KCNH8: variants seen among roughly 807,000 people sequenced by gnomAD.
KCNH8 encodes voltage-gated delayed rectifier potassium channel KCNH8.
KCNH8 carries 70 observed loss-of-function variants against 103.6 expected under a neutral mutation model. The observed-to-expected ratio is 0.68, with a 90% confidence interval of 0.56 to 0.82. The LOEUF (loss-of-function observed/expected upper bound fraction) is 0.82. Ranked by LOEUF, KCNH8 falls within the 40% of genes least tolerant of loss-of-function variation. KCNH8 has a pLI of 0.00. For missense variants in KCNH8, 1,217 were observed against 1,329.9 expected (o/e 0.92, Z 1.32); for synonymous variants, 498 against 489.4 (o/e 1.02, Z -0.23).
chr3:19,484,576 A>C (rs1477232866), intron 11 of KCNH8, among the ~76,000 whole-genome samples: 2 of 151,990 alleles, frequency 1.3e-5, no homozygotes, highest in Non-Finnish European at 2.9e-5. Flanking sequence ...TTTGTCTCCT[A>C]GTTTTCAGTG....
At chr3:19,168,224 C>T (rs939220840) in intron 1 of KCNH8, among the ~76,000 whole-genome samples, 6 of 151,964 alleles carry the variant, frequency 3.9e-5, no homozygotes, top group East Asian at 1.9e-4. Flanking sequence ...GACAGGGTTT[C>T]GCCATGTTGA....
intron 2 of KCNH8, among the ~76,000 whole-genome samples, chr3:19,262,607 T>G (rs924833483): frequency 2.6e-5 from 4 of 151,994 alleles, no homozygotes; most frequent in African/African-American, 4.8e-5. Flanking sequence ...ACATACAAAT[T>G]TCAGAGCAAA....
intron 1 of KCNH8, among the ~76,000 whole-genome samples, chr3:19,243,280 C>T (rs997785327): frequency 1.3e-5 from 2 of 152,136 alleles, no homozygotes; most frequent in Non-Finnish European, 2.9e-5. Flanking sequence ...TTGCCTCGAC[C>T]TCTCTTGCAG....
chr3:19,490,227 C>T (rs140234352), intron 11 of KCNH8, among the ~76,000 whole-genome samples: 8 of 151,222 alleles, frequency 5.3e-5, no homozygotes, highest in East Asian at 1.9e-4. Context: ...CAGGAAACCA[C>T]GAAATGTAGC....
intron 5 of KCNH8, among the ~76,000 whole-genome samples, chr3:19,350,353 C>T (rs1188010526): frequency 1.3e-5 from 2 of 151,976 alleles, no homozygotes; most frequent in Non-Finnish European, 2.9e-5. Context: ...TTAAACTTCC[C>T]TGTCTGACAG....
intron 5 of KCNH8, among the ~76,000 whole-genome samples, chr3:19,377,585 C>G (rs965071424): frequency 6.6e-6 from 1 of 152,206 alleles, no homozygotes. Context: ...CTCAACGGAT[C>G]ATATTAATGC....
intron 7 of KCNH8, among the ~76,000 whole-genome samples, chr3:19,434,953 C>T (rs10514672): frequency 0.034 from 5,185 of 151,930 alleles, 223 homozygotes; most frequent in East Asian, 0.21. Context: ...TACAGCATCA[C>T]GAGATAACTA....
chr3:19,434,082 C>T (rs941960893), intron 7 of KCNH8, among the ~76,000 whole-genome samples: 2 of 152,168 alleles, frequency 1.3e-5, no homozygotes, highest in Non-Finnish European at 2.9e-5. Context: ...GTGGGGTACA[C>T]AGGTGCTCTC....
At chr3:19,468,526 T>C (rs896480805) in intron 11 of KCNH8, among the ~76,000 whole-genome samples, 1 of 152,192 alleles carries the variant, frequency 6.6e-6, no homozygotes, top group African/African-American at 2.4e-5. Context: ...TCACTTCCCC[T>C]AAGTTCAGGA....
intron 1 of KCNH8, among the ~76,000 whole-genome samples, chr3:19,171,211 T>G (rs919032572): frequency 6.6e-6 from 1 of 152,208 alleles, no homozygotes; most frequent in Non-Finnish European, 1.5e-5. Flanking sequence ...TTGTATATAT[T>G]TTGTGAGCAA....
intron 3 of KCNH8, among the ~76,000 whole-genome samples, chr3:19,331,448 C>T (rs1204977754): frequency 4.6e-5 from 7 of 151,844 alleles, no homozygotes; most frequent in African/African-American, 1.5e-4. Context: ...TGTGTCACCA[C>T]GCCTGGCTAA....
At chr3:19,512,907 T>C in intron 12 of KCNH8, 63 bp from the exon 13 acceptor site, 2 of 1,433,404 alleles carry the variant, frequency 1.4e-6, no homozygotes, top group Non-Finnish European at 1.9e-6. Flanking sequence ...CCTCCAGCAT[T>C]AATGATATAC....
At chr3:19,412,828 C>T (rs150396915) in intron 7 of KCNH8, among the ~76,000 whole-genome samples, 164 of 151,990 alleles carry the variant, frequency 1.1e-3, no homozygotes, top group African/African-American at 3.3e-3. Context: ...CGTGAGATGT[C>T]ATCTCACACC....
intron 11 of KCNH8, among the ~76,000 whole-genome samples, chr3:19,477,669 GAATT>G (rs1262439805): frequency 6.6e-6 from 1 of 152,048 alleles, no homozygotes; most frequent in East Asian, 1.9e-4. Context: ...TTCAGTGAGA[GAATT>G]AAGAGAGATG....
At chr3:19,295,383 C>CAAATAAATAAATAAAT (rs554786703) in intron 3 of KCNH8, among the ~76,000 whole-genome samples, 38 of 145,412 alleles carry the variant, frequency 2.6e-4, no homozygotes, top group Middle Eastern at 3.5e-3. Context: ...GACCCTGTCT[C>CAAATAAATAAATAAAT]AAATAAATAA....
chr3:19,167,495 T>C (rs73818837), intron 1 of KCNH8, among the ~76,000 whole-genome samples: 14,613 of 152,190 alleles, frequency 0.096, 804 homozygotes, highest in African/African-American at 0.16. Context: ...ATCATATTTT[T>C]TTATAAATTT....
chr3:19,269,892 A>G (rs1174730150), intron 2 of KCNH8, among the ~76,000 whole-genome samples: 2 of 152,170 alleles, frequency 1.3e-5, no homozygotes, highest in African/African-American at 2.4e-5. Context: ...TTAGGAAAAC[A>G]GTGTTGTCTG....
intron 7 of KCNH8, among the ~76,000 whole-genome samples, chr3:19,406,300 C>A (rs2066690193): frequency 6.6e-6 from 1 of 152,098 alleles, no homozygotes; most frequent in Non-Finnish European, 1.5e-5. Context: ...AAGTTCTTAA[C>A]CTTCGGAGAC....
intron 7 of KCNH8, among the ~76,000 whole-genome samples, chr3:19,436,512 T>C (rs891750513): frequency 3.3e-5 from 5 of 152,238 alleles, no homozygotes; most frequent in Admixed American, 1.3e-4. Flanking sequence ...CTCGGATTTG[T>C]GGATGTTACC....
Sources: gnomAD v4.1 joint callset for allele counts (sites outside exome capture counted in the v4.1 genomes callset) on GRCh38, gnomAD v4.1.1 for gene constraint, MANE v1.5 for transcripts, NCBI Gene and HGNC (gene_info 2026-07-23, HGNC 2026-07-21) for gene names.